The following PROM1 variants were observed in gnomAD, a reference collection of about 807,000 sequenced individuals.
The protein encoded by PROM1 is prominin 1, also known as prominin-1.
Under a neutral mutation model 116.9 loss-of-function variants are expected in PROM1, and 105 were observed. The ratio of observed to expected loss-of-function variants is 0.90; its 90% CI spans 0.77 to 1.06. PROM1 has a LOEUF of 1.06. Ranked by LOEUF, PROM1 falls within the 50% of genes least tolerant of loss-of-function variation. The pLI is 0.00. For synonymous variants in PROM1, 393 were observed against 387.0 expected (o/e 1.02, Z -0.18); for missense variants, 1,122 against 1,045.2 (o/e 1.07, Z -1.01).
chr4:15,991,293 T>C lies in PROM1; in HGVS notation c.1912A>G (p.Thr638Ala), dbSNP rs201745632. The C allele has an allele frequency of 1.2e-4, 188 of 1,594,992 alleles. No individual in the cohort carries two copies. The African/African-American group carries it at 2.4e-3, about 20-fold the overall frequency. The change falls in exon 18 of 28, where the codon ACT becomes GCT. Residue 638 changes from threonine (T) to alanine (A), a missense_variant and splice_region_variant. Transcript: ENST00000447510. ...RMNYDSYLAQ[T>A]GKSPAGVNLL... ...TTCACTCCTGCGGGGGATTTACCAG[T>C]CTACAATAGAAGTGAAAAAAATTGT... is the stretch of plus-strand genomic sequence containing the variant.
chr4:15,983,084 G>C (rs1718377048), intron 23 of PROM1, among the ~76,000 whole-genome samples: 1 of 152,192 alleles, frequency 6.6e-6, no homozygotes, highest in Non-Finnish European at 1.5e-5. Flanking sequence ...GTGCTGGAGA[G>C]ACAGGTCTTA....
chr4:15,998,120 C>T (rs1002058215), intron 15 of PROM1, among the ~76,000 whole-genome samples: 1 of 152,156 alleles, frequency 6.6e-6, no homozygotes, highest in East Asian at 1.9e-4. Flanking sequence ...ATTAGTGCAT[C>T]GTAGGGTCAC....
intron 14 of PROM1, 140 bp from the exon 15 acceptor site, chr4:15,998,628 C>A: frequency 1.1e-6 from 1 of 925,914 alleles, no homozygotes; most frequent in Non-Finnish European, 1.5e-6. Context: ...CAACTTATAA[C>A]TAGAAAATAA....
intron 2 of PROM1, among the ~76,000 whole-genome samples, chr4:16,059,927 G>T (rs6817756): frequency 0.071 from 10,864 of 152,110 alleles, 1,043 homozygotes; most frequent in African/African-American, 0.22. Flanking sequence ...GGGCTCTCTA[G>T]GTGCTAATAT....
At position 16,052,889 on chromosome 4, in the gene PROM1, C is replaced by T. The variant is rs534462391; in HGVS notation, c.221-13888G>A. 5.9e-5 allele frequency among the ~76,000 whole-genome samples: 9 copies of T among 152,318 alleles called. No individual in the cohort carries two copies. The East Asian group carries it at 1.3e-3, about 23-fold the overall frequency. ...GAAAAATCTGGAAGACACTACCTTA[C>T]CCACATTGTTAATTTCACCAGTAAT... On this transcript the variant is annotated intron_variant, in intron 2 of 27. Coordinates refer to ENST00000447510, the MANE Select transcript of PROM1 (RefSeq NM_006017.3).
At chr4:15,996,928 T>C (rs565721356) in intron 15 of PROM1, among the ~76,000 whole-genome samples, 63 of 152,248 alleles carry the variant, frequency 4.1e-4, no homozygotes, top group Non-Finnish European at 7.9e-4. Context: ...GCCCTGTTAT[T>C]TTTAGTTTCA....
At chr4:16,074,934 C>T (rs1578330097) in intron 2 of PROM1, among the ~76,000 whole-genome samples, 1 of 152,176 alleles carries the variant, frequency 6.6e-6, no homozygotes, top group East Asian at 1.9e-4. Flanking sequence ...AAAGAACAGG[C>T]TTAGGATGGA....
chr4:16,043,310 C>T (rs1735767128), intron 2 of PROM1, among the ~76,000 whole-genome samples: 2 of 152,132 alleles, frequency 1.3e-5, no homozygotes, highest in Admixed American at 1.3e-4. Flanking sequence ...GCTTTTCCTG[C>T]TTTTTGTTTG....
chr4:16,025,642 C>T (rs1731065812), intron 5 of PROM1, among the ~76,000 whole-genome samples: 1 of 152,196 alleles, frequency 6.6e-6, no homozygotes. Context: ...ATGATCCAGT[C>T]CCATTCCTGT....
intron 3 of PROM1, among the ~76,000 whole-genome samples, chr4:16,037,004 A>G (rs979980969): frequency 2.0e-5 from 3 of 152,196 alleles, no homozygotes; most frequent in Admixed American, 6.5e-5. Flanking sequence ...AGCCAGGGGT[A>G]TAAACCAAGG....
chr4:16,068,193 G>A (rs1047878233), intron 2 of PROM1, among the ~76,000 whole-genome samples: 5 of 152,176 alleles, frequency 3.3e-5, no homozygotes, highest in African/African-American at 1.2e-4. Context: ...GAAACTCCCT[G>A]TTTTTGGTTA....
intron 2 of PROM1, among the ~76,000 whole-genome samples, chr4:16,043,369 A>G (rs1355848806): frequency 6.6e-6 from 1 of 152,212 alleles, no homozygotes; most frequent in Non-Finnish European, 1.5e-5. Flanking sequence ...CCCAGGCTGG[A>G]GTGCAGTGGT....
intron 1 of PROM1, among the ~76,000 whole-genome samples, chr4:16,081,283 A>G (rs1029333471): frequency 1.3e-5 from 2 of 152,022 alleles, no homozygotes; most frequent in Non-Finnish European, 2.9e-5. Context: ...TTCATTGTTC[A>G]ATTCCCAACA....
intron 5 of PROM1, among the ~76,000 whole-genome samples, chr4:16,026,945 G>A (rs1731433926): frequency 6.6e-6 from 1 of 152,160 alleles, no homozygotes; most frequent in Non-Finnish European, 1.5e-5. Flanking sequence ...GTGGACTCCA[G>A]TTGGTACCTC....
In PROM1 at chr4:15,998,491, A is replaced by G. The variant is rs1355865032; in HGVS notation, c.1579-3T>C. ...AGTAAGTAGGGTGTATCCAAAACCT[A>G]GAACACATTAGGAAGTATTTTCGAA... On this transcript the variant is annotated splice_polypyrimidine_tract_variant and splice_region_variant and intron_variant, in intron 14 of 27. Transcript: ENST00000447510. 7.5e-6 allele frequency: 12 copies of G among 1,595,698 alleles called. No homozygotes were observed. Among genetic ancestry groups the G allele is most frequent in the Non-Finnish European group, 1.0e-5 (12 of 1,173,500 alleles).
At chr4:16,014,303 C>T (rs185482058) in intron 10 of PROM1, among the ~76,000 whole-genome samples, 93 of 152,344 alleles carry the variant, frequency 6.1e-4, no homozygotes, top group African/African-American at 2.0e-3. Flanking sequence ...GACTAAGCTA[C>T]TCAGCACACC....
intron 11 of PROM1, among the ~76,000 whole-genome samples, chr4:16,011,266 C>G (rs1726829382): frequency 6.6e-6 from 1 of 152,152 alleles, no homozygotes; most frequent in Non-Finnish European, 1.5e-5. Context: ...CAAACCTGGT[C>G]ATGGTGCCAG....
chr4:16,061,627 T>C (rs1272260330), intron 2 of PROM1, among the ~76,000 whole-genome samples: 1 of 152,214 alleles, frequency 6.6e-6, no homozygotes, highest in African/African-American at 2.4e-5. Context: ...CCTCTGCGAA[T>C]ACAGCTCATT....
chr4:15,983,817 C>T (rs1718582767), intron 23 of PROM1, among the ~76,000 whole-genome samples: 2 of 152,166 alleles, frequency 1.3e-5, no homozygotes, highest in Non-Finnish European at 2.9e-5. Context: ...AGAGAGTCAG[C>T]ATCTGTTGAG....
Sources: allele counts gnomAD v4.1 joint callset (sites outside exome capture counted in the v4.1 genomes callset), GRCh38; gene constraint gnomAD v4.1.1; transcripts MANE v1.5; gene names NCBI Gene and HGNC (gene_info 2026-07-23, HGNC 2026-07-21).